The following CLEC16A variants were observed in gnomAD, a reference collection of about 807,000 sequenced individuals.
CLEC16A encodes the protein protein CLEC16A.
CLEC16A carries 51 observed loss-of-function variants against 109.5 expected under a neutral mutation model. The ratio of observed to expected loss-of-function variants is 0.47; its 90% CI spans 0.37 to 0.59. The LOEUF (loss-of-function observed/expected upper bound fraction) is 0.59. CLEC16A is among the 20% of genes least tolerant of loss of function. The pLI is 0.00. For synonymous variants in CLEC16A, 673 were observed against 564.2 expected (o/e 1.19, Z -2.73); for missense variants, 1,339 against 1,394.0 (o/e 0.96, Z 0.63).
At position 11,040,514 on chromosome 16, in the gene CLEC16A, C is replaced by CTTTCTTTTTT. The variant is rs1268318578; in HGVS notation, c.1660+641_1660+642insCTTTTTTTTT. On this transcript the variant is annotated intron_variant, in intron 14 of 23. Transcript: ENST00000409790. ...TTTTTGTGATAGCGCTTTTTCTTTT[C>CTTTCTTTTTT]TTTTTTTTTTTTTTTTGAGATGGAG... is the stretch of plus-strand genomic sequence containing the variant. 1.0e-3 allele frequency: 101 copies of CTTTCTTTTTT among 101,498 alleles called. 3 individuals are homozygous for CTTTCTTTTTT. The highest frequency in any genetic ancestry group is 3.3e-3 in the African/African-American group (75 of 22,886). The allele number at this position is 101,498 out of a possible 1,614,324, so 6.3% of individuals were successfully genotyped here. A position where few individuals can be genotyped will look rare whatever the true frequency, so the allele number is the denominator to read the frequency against.
At chr16:11,030,972 T>A (rs72770091) in intron 13 of CLEC16A, among the ~76,000 whole-genome samples, 17,271 of 152,298 alleles carry the variant, frequency 0.11, 1,330 homozygotes, top group South Asian at 0.29. Context: ...CCCCCAAGTC[T>A]GTGGCATGTC....
At chr16:11,024,978 C>G in intron 13 of CLEC16A, 57 bp downstream of exon 13, 2 of 1,208,534 alleles carry the variant, frequency 1.7e-6, no homozygotes, top group Non-Finnish European at 2.4e-6. Context: ...CCATAGCATC[C>G]TTCCCCTCTG....
At chr16:10,982,034 C>G (rs2043349294) in intron 9 of CLEC16A, among the ~76,000 whole-genome samples, 1 of 152,242 alleles carries the variant, frequency 6.6e-6, no homozygotes, top group African/African-American at 2.4e-5. Flanking sequence ...CTGGCCTATG[C>G]ATATGTAAAT....
intron 19 of CLEC16A, among the ~76,000 whole-genome samples, chr16:11,069,076 G>A (rs577273420): frequency 9.4e-5 from 14 of 148,604 alleles, no homozygotes; most frequent in Middle Eastern, 7.2e-3. Flanking sequence ...CAAATAGTCC[G>A]CCTGCCTTGG....
chr16:11,107,327 A>C (rs942918891), intron 19 of CLEC16A, among the ~76,000 whole-genome samples: 8 of 152,132 alleles, frequency 5.3e-5, no homozygotes, highest in African/African-American at 1.9e-4. Context: ...CTCTCTGTCC[A>C]GGAAATATCA....
intron 19 of CLEC16A, among the ~76,000 whole-genome samples, chr16:11,092,654 C>T (rs1298478883): frequency 6.6e-6 from 1 of 152,216 alleles, no homozygotes; most frequent in Non-Finnish European, 1.5e-5. Flanking sequence ...GATTTCAGTT[C>T]CTGTCCCCAA....
At chr16:11,042,401 G>T (rs1255940748) in intron 15 of CLEC16A, 38 bp downstream of exon 15, 2 of 1,484,464 alleles carry the variant, frequency 1.3e-6, no homozygotes, top group Admixed American at 2.0e-5. Flanking sequence ...GTGGGCCAAG[G>T]GAGAGGGACA....
Position 10,944,795 on chromosome 16 carries a change from C to T in CLEC16A, c.78C>T (p.Leu26=), listed in dbSNP as rs769240642. ...TSRNIHSLDH[L]KYLYHVLTKN... ...GCAACATCCACTCCTTGGACCACCTCAAGTGAGTGTGGGGGGCGTAGCGGG... is the reference window on the plus strand; with the variant it reads ...GCAACATCCACTCCTTGGACCACCTTAAGTGAGTGTGGGGGGCGTAGCGGG... Residue 26 remains leucine, a splice_region_variant and synonymous_variant, in exon 1 of 24, where the codon CTC becomes CTT. Coordinates refer to ENST00000409790, the MANE Select transcript of CLEC16A (RefSeq NM_015226.3). 7 of 1,606,794 alleles carry T rather than the reference C, an allele frequency of 4.4e-6. No homozygotes were observed. The African/African-American group carries it at 9.4e-5, about 21-fold the overall frequency.
At position 11,166,428 on chromosome 16, in the gene CLEC16A, G is replaced by C. The variant is rs187291949; in HGVS notation, c.2682G>C (p.Pro894=). 3 of 1,606,452 alleles carry C rather than the reference G, an allele frequency of 1.9e-6. No individual in the cohort carries two copies. Among genetic ancestry groups the C allele is most frequent in the South Asian group, 2.2e-5 (2 of 90,960 alleles). ...VAQCINQHSS[P]SLSSQSPPSA... ...AGTGCATAAACCAGCACAGCTCCCC[G>C]TCCCTGTCCTCACAGTCGCCACCCT... The change falls in exon 23 of 24, where the codon CCG becomes CCC. Residue 894 remains proline (P), a synonymous_variant. Coordinates refer to ENST00000409790, the MANE Select transcript of CLEC16A (RefSeq NM_015226.3).
At chr16:10,993,808 C>A (rs991801497) in intron 10 of CLEC16A, among the ~76,000 whole-genome samples, 1 of 152,200 alleles carries the variant, frequency 6.6e-6, no homozygotes, top group Admixed American at 6.5e-5. Flanking sequence ...TCGTGATGAT[C>A]TTGCAATTAA....
intron 10 of CLEC16A, among the ~76,000 whole-genome samples, chr16:10,987,253 C>T (rs1350008348): frequency 1.3e-5 from 2 of 152,052 alleles, no homozygotes; most frequent in East Asian, 1.9e-4. Flanking sequence ...TCCTCAGTTT[C>T]CCCCAGTGGT....
At chr16:10,978,140 G>A (rs1206282373) in intron 8 of CLEC16A, among the ~76,000 whole-genome samples, 1 of 152,214 alleles carries the variant, frequency 6.6e-6, no homozygotes, top group East Asian at 1.9e-4. Flanking sequence ...CCAGGGTGGT[G>A]ACTGTCCACT....
chr16:11,101,031 T>C (rs1196310405), intron 19 of CLEC16A, among the ~76,000 whole-genome samples: 1 of 152,200 alleles, frequency 6.6e-6, no homozygotes, highest in African/African-American at 2.4e-5. Context: ...TGGCCCATAG[T>C]AGATACACAG....
rs758886493 is a variant in CLEC16A, at chr16:11,174,188, C to G, written c.2807-4147C>G. 4.3e-6 allele frequency: 2 copies of G among 469,766 alleles called. No individual in the cohort carries two copies. The highest frequency in any genetic ancestry group is 2.0e-5 in the African/African-American group (1 of 50,072). The allele number at this position is 469,766 out of a possible 1,614,324, so 29.1% of individuals were successfully genotyped here. A position where few individuals can be genotyped will look rare whatever the true frequency, so the allele number is the denominator to read the frequency against. On this transcript the variant is annotated intron_variant, in intron 23 of 23. Transcript: ENST00000409790. The surrounding 1 kb of genome is among the most constrained non-coding windows in gnomAD (Gnocchi z 4.7). ...GCAGGAAAGGACGCCGACGAGTGTT[C>G]AGCCTGTCGGAGGCCGACAGTCATG...
intron 23 of CLEC16A, among the ~76,000 whole-genome samples, chr16:11,175,278 G>T (rs1430684498): frequency 6.6e-6 from 1 of 152,168 alleles, no homozygotes; most frequent in African/African-American, 2.4e-5. Context: ...GCCACGGGAT[G>T]TCTGTCCGCT....
At chr16:11,016,616 A>G (rs1434201509) in intron 11 of CLEC16A, among the ~76,000 whole-genome samples, 1 of 152,152 alleles carries the variant, frequency 6.6e-6, no homozygotes, top group Non-Finnish European at 1.5e-5. Flanking sequence ...GATTACAGGC[A>G]TGAGCCTCCA....
At chr16:10,979,192 G>T (rs1166058156) in intron 8 of CLEC16A, 137 bp from the exon 9 acceptor site, 4 of 661,134 alleles carry the variant, frequency 6.1e-6, no homozygotes, top group Non-Finnish European at 1.0e-5. Context: ...ACCAAGAAAG[G>T]ACAGCCCTAG....
chr16:11,019,816 T>C (rs2045988468), intron 11 of CLEC16A, among the ~76,000 whole-genome samples: 1 of 150,926 alleles, frequency 6.6e-6, no homozygotes, highest in Admixed American at 6.6e-5. Flanking sequence ...ATGTTGTCAG[T>C]GAGGTTGATT....
chr16:11,142,490 A>G (rs1451002030), intron 22 of CLEC16A, among the ~76,000 whole-genome samples: 1 of 152,218 alleles, frequency 6.6e-6, no homozygotes, highest in Non-Finnish European at 1.5e-5. Context: ...TGATGTGTCA[A>G]CAGCTTTTTC....
Sources: allele counts gnomAD v4.1 joint callset (sites outside exome capture counted in the v4.1 genomes callset), GRCh38; gene constraint gnomAD v4.1.1; non-coding constraint Gnocchi (gnomAD v3.1); transcripts MANE v1.5; gene names NCBI Gene and HGNC (gene_info 2026-07-23, HGNC 2026-07-21).